The following UGT1A10 variants were observed in gnomAD, a reference collection of about 807,000 sequenced individuals.
The protein encoded by UGT1A10 is UDP-glucuronosyltransferase 1A10.
In UGT1A10, 49 loss-of-function variants were observed where a neutral mutation model predicts 45.8. That is an observed-to-expected ratio of 1.07 (90% CI 0.85 to 1.36). The LOEUF (loss-of-function observed/expected upper bound fraction) is 1.36. Among genes scored for constraint, UGT1A10 ranks in the 40% most tolerant of loss-of-function variants. The pLI, the probability that UGT1A10 is intolerant of heterozygous loss-of-function variation, is 0.00. For synonymous variants in UGT1A10, 284 were observed against 249.7 expected (o/e 1.14, Z -1.29); for missense variants, 745 against 668.6 (o/e 1.11, Z -1.26).
chr2:233,691,615 C>T lies in UGT1A10; in HGVS notation c.855+54238C>T. 4.1e-6 allele frequency: 4 copies of T among 985,680 alleles called. No homozygotes were observed. In the South Asian group the frequency reaches 1.9e-4, roughly 46 times the overall value. The allele number at this position is 985,680 out of a possible 1,614,324, so 61.1% of individuals were successfully genotyped here. ...TACACAGGTCTTGCTCTGGGACCGC[C>T]CTCAGCAGTGTGGTTAGCAGGCAGG... On this transcript the variant is annotated intron_variant, in intron 1 of 4. Coordinates refer to ENST00000344644, the MANE Select transcript of UGT1A10 (RefSeq NM_019075.4).
intron 1 of UGT1A10, chr2:233,713,523 T>C (rs2076327329): frequency 6.2e-7 from 1 of 1,613,946 alleles, no homozygotes. Flanking sequence ...GAACATTCCA[T>C]GTGATTTAGA....
At chr2:233,647,791 G>A in intron 1 of UGT1A10, 1 of 669,432 alleles carries the variant, frequency 1.5e-6, no homozygotes, top group South Asian at 2.4e-5. Flanking sequence ...AATCAGTCTG[G>A]GTAGAGATTT....
At chr2:233,637,455 T>C (rs2073327817) in intron 1 of UGT1A10, 78 bp downstream of exon 1, 3 of 1,510,396 alleles carry the variant, frequency 2.0e-6, no homozygotes, top group African/African-American at 2.8e-5. Flanking sequence ...TGAACTGTGA[T>C]TTGACATTTT....
At chr2:233,672,081 T>C (rs781659760) in intron 1 of UGT1A10, 3 of 1,614,062 alleles carry the variant, frequency 1.9e-6, no homozygotes, top group Admixed American at 1.7e-5. Flanking sequence ...AGAAACTCAT[T>C]CTCAGGGGGC....
intron 4 of UGT1A10, among the ~76,000 whole-genome samples, chr2:233,768,799 G>A (rs1295681406): frequency 1.3e-5 from 2 of 151,984 alleles, no homozygotes; most frequent in East Asian, 3.9e-4. Flanking sequence ...TGTCAGGCTG[G>A]TCTTGAACTC....
At chr2:233,693,631 G>A in intron 1 of UGT1A10, 1 of 1,614,078 alleles carries the variant, frequency 6.2e-7, no homozygotes, top group South Asian at 1.1e-5. Context: ...CCCAACGAGT[G>A]GCCAACTTCC....
At chr2:233,716,242 C>G (rs116835228) in intron 1 of UGT1A10, among the ~76,000 whole-genome samples, 2 of 152,158 alleles carry the variant, frequency 1.3e-5, no homozygotes, top group Non-Finnish European at 2.9e-5. Flanking sequence ...TTGTCCTGCC[C>G]GGACATCCAG....
At chr2:233,748,159 A>G (rs963522217) in intron 1 of UGT1A10, 2 of 1,598,928 alleles carry the variant, frequency 1.3e-6, no homozygotes, top group African/African-American at 1.4e-5. Context: ...AATTGCTTCC[A>G]TATCTACTTA....
At chr2:233,757,267 A>G (rs1696460945) in intron 1 of UGT1A10, among the ~76,000 whole-genome samples, 1 of 121,202 alleles carries the variant, frequency 8.3e-6, no homozygotes, top group Admixed American at 1.0e-4. Flanking sequence ...GTGGCAGCCG[A>G]TGCAATGATT....
rs888574084 is a variant in UGT1A10 at position 233,700,593 on chromosome 2, C to A, written c.855+63216C>A. 9.9e-5 allele frequency among the ~76,000 whole-genome samples: 15 copies of A among 152,184 alleles called. No homozygotes were observed. In the South Asian group the frequency reaches 2.3e-3, roughly 23 times the overall value. Reference sequence around the variant, plus strand: ...TATTATGATGCAATTTATTATGATACAATTCACTCTTTTTTTGGGGGGGTT... The same window carrying A: ...TATTATGATGCAATTTATTATGATAAAATTCACTCTTTTTTTGGGGGGGTT... On this transcript the variant is annotated intron_variant, in intron 1 of 4. Transcript: ENST00000344644.
rs75381408 is a variant in UGT1A10 at position 233,641,803 on chromosome 2, T to C, written c.855+4426T>C. ...TATTCTGGGGTAAAAGGTTTTTTTT[T>C]CTTCAGCACTTTAAATATGTCATGC... On this transcript the variant is annotated intron_variant, in intron 1 of 4. Transcript: ENST00000344644. Among the ~76,000 whole-genome samples the C allele has an allele frequency of 3.6e-3, 544 of 152,304 alleles. 15 individuals carry two copies. Among genetic ancestry groups the C allele is most frequent in the Admixed American group, 0.032 (489 of 15,292 alleles).
At chr2:233,733,885 A>AGCTCCTG (rs2078449357) in intron 1 of UGT1A10, among the ~76,000 whole-genome samples, 1 of 152,018 alleles carries the variant, frequency 6.6e-6, no homozygotes, top group Non-Finnish European at 1.5e-5. Flanking sequence ...GAATGGTACC[A>AGCTCCTG]GCTCCTGTTT....
intron 1 of UGT1A10, chr2:233,760,208 A>C: frequency 6.3e-7 from 1 of 1,589,248 alleles, no homozygotes; most frequent in African/African-American, 1.4e-5. Context: ...TCAAACATTA[A>C]CTTGGTGTAT....
At chr2:233,755,174 G>A (rs868590389) in intron 1 of UGT1A10, 74 of 1,248,738 alleles carry the variant, frequency 5.9e-5, no homozygotes, top group Non-Finnish European at 7.6e-5. Flanking sequence ...GGTTTTTGTC[G>A]GGGTGCCACT....
At chr2:233,719,653 G>A (rs759057764) in intron 1 of UGT1A10, 6 of 1,614,078 alleles carry the variant, frequency 3.7e-6, no homozygotes, top group South Asian at 3.3e-5. Flanking sequence ...TTCATTGGGG[G>A]CATCAACTGT....
chr2:233,754,548 G>A (rs760098781), intron 1 of UGT1A10: 6 of 380,460 alleles, frequency 1.6e-5, no homozygotes, highest in African/African-American at 2.1e-5. Context: ...GGAATTACTT[G>A]GTGTCAATGG....
At chr2:233,719,033 A>C (rs754383567) in intron 1 of UGT1A10, 11 of 1,614,270 alleles carry the variant, frequency 6.8e-6, no homozygotes, top group Non-Finnish European at 9.3e-6. Flanking sequence ...ACATCAAAGA[A>C]GAGAAATTTT....
chr2:233,765,544 G>A (rs148810143), intron 1 of UGT1A10, among the ~76,000 whole-genome samples: 5,118 of 152,186 alleles, frequency 0.034, 277 homozygotes, highest in African/African-American at 0.12. Context: ...CTCATAAGTG[G>A]GAGTTGAACA....
At chr2:233,724,084 T>C (rs1206273718) in intron 1 of UGT1A10, among the ~76,000 whole-genome samples, 23 of 99,034 alleles carry the variant, frequency 2.3e-4, no homozygotes, top group African/African-American at 1.2e-3. Flanking sequence ...GCAGAGGGGC[T>C]CCTCACTTCC....
Sources: gnomAD v4.1 joint callset for allele counts (sites outside exome capture counted in the v4.1 genomes callset) on GRCh38, gnomAD v4.1.1 for gene constraint, MANE v1.5 for transcripts, NCBI Gene and HGNC (gene_info 2026-07-23, HGNC 2026-07-21) for gene names.